POFUT3: variants seen among roughly 807,000 people sequenced by gnomAD.
POFUT3 encodes GDP-fucose protein O-fucosyltransferase 3.
chr8:33,325,478 C>T, the POFUT3 span, among the ~76,000 whole-genome samples: 1 of 152,174 alleles, frequency 6.6e-6, no homozygotes, highest in Non-Finnish European at 1.5e-5. Flanking sequence ...TAGCTATCAC[C>T]ACCATGATAC....
At chr8:33,389,641 G>C in the POFUT3 span, 4 of 1,614,116 alleles carry the variant, frequency 2.5e-6, no homozygotes, top group Non-Finnish European at 3.4e-6. Flanking sequence ...TTAGTGGCAA[G>C]TGGGAATGCC....
chr8:33,456,364 T>TA, the POFUT3 span, among the ~76,000 whole-genome samples: 1 of 152,120 alleles, frequency 6.6e-6, no homozygotes, highest in African/African-American at 2.4e-5. Flanking sequence ...ATTTTTTATT[T>TA]TTTTATTTTT....
At chr8:33,367,601 A>C in the POFUT3 span, among the ~76,000 whole-genome samples, 1 of 152,172 alleles carries the variant, frequency 6.6e-6, no homozygotes, top group Non-Finnish European at 1.5e-5. Flanking sequence ...GGGTCTCCCC[A>C]AACAAGCTGG....
the POFUT3 span, among the ~76,000 whole-genome samples, chr8:33,327,004 C>G: frequency 5.3e-5 from 8 of 152,286 alleles, no homozygotes; most frequent in South Asian, 1.5e-3. Flanking sequence ...TCTTGAATGC[C>G]TGGCCTTAAG....
At chr8:33,422,115 G>A in the POFUT3 span, among the ~76,000 whole-genome samples, 1 of 151,704 alleles carries the variant, frequency 6.6e-6, no homozygotes, top group East Asian at 1.9e-4. Flanking sequence ...TTCTTCCTCA[G>A]CATTATTTAC....
chr8:33,426,556 T>C, the POFUT3 span, among the ~76,000 whole-genome samples: 1 of 152,184 alleles, frequency 6.6e-6, no homozygotes, highest in Non-Finnish European at 1.5e-5. Context: ...CTGTAACTAA[T>C]CCAGTTTTTC....
the POFUT3 span, among the ~76,000 whole-genome samples, chr8:33,328,923 T>C: frequency 2.6e-5 from 4 of 152,214 alleles, no homozygotes; most frequent in African/African-American, 9.6e-5. Flanking sequence ...TAAAGACCCC[T>C]ATACACTTTT....
chr8:33,361,300 T>C, the POFUT3 span: 1 of 152,072 alleles, frequency 6.6e-6, no homozygotes, highest in Non-Finnish European at 1.5e-5. Context: ...AAATGCCTCC[T>C]CTCCCGGGGA....
the POFUT3 span, among the ~76,000 whole-genome samples, chr8:33,465,176 T>TTA: frequency 6.6e-6 from 1 of 152,206 alleles, no homozygotes; most frequent in African/African-American, 2.4e-5. Flanking sequence ...AAGCAATTTA[T>TTA]TATAGTTATC....
chr8:33,468,554 C>G, the POFUT3 span, among the ~76,000 whole-genome samples: 1 of 152,162 alleles, frequency 6.6e-6, no homozygotes, highest in African/African-American at 2.4e-5. Context: ...CTCCTAATGC[C>G]CCTTAAATGG....
chr8:33,380,017 A>G, the POFUT3 span, among the ~76,000 whole-genome samples: 20 of 50,474 alleles, frequency 4.0e-4, 3 homozygotes, highest in East Asian at 3.8e-3. Context: ...TATATATAGT[A>G]TATATATATA....
the POFUT3 span, chr8:33,388,825 A>AGG: frequency 1.4e-6 from 1 of 712,100 alleles, no homozygotes; most frequent in Non-Finnish European, 2.4e-6. Flanking sequence ...GGAATATTCA[A>AGG]CCTTCCTGCA....
the POFUT3 span, among the ~76,000 whole-genome samples, chr8:33,334,751 C>T: frequency 1.3e-5 from 2 of 152,218 alleles, no homozygotes; most frequent in Non-Finnish European, 2.9e-5. Context: ...CCTCTGTTTA[C>T]TTCGCTGCTT....
chr8:33,344,503 G>A, the POFUT3 span, among the ~76,000 whole-genome samples: 1 of 152,216 alleles, frequency 6.6e-6, no homozygotes, highest in African/African-American at 2.4e-5. Context: ...AGCCCCCTCT[G>A]AAAGCTCTCC....
the POFUT3 span, chr8:33,389,426 T>G: frequency 1.9e-6 from 3 of 1,614,204 alleles, no homozygotes; most frequent in East Asian, 2.2e-5. Flanking sequence ...AGGGAGGTCT[T>G]TGTTTCGTAA....
chr8:33,385,284 G>T, the POFUT3 span, among the ~76,000 whole-genome samples: 1 of 152,164 alleles, frequency 6.6e-6, no homozygotes, highest in Admixed American at 6.5e-5. Context: ...GCACAGGAAG[G>T]TTCCCACTGA....
At chr8:33,461,574 C>T in the POFUT3 span, 1 of 1,554,292 alleles carries the variant, frequency 6.4e-7, no homozygotes, top group Non-Finnish European at 8.6e-7. Context: ...CCTGCACTGC[C>T]ATTCCTGCTG....
the POFUT3 span, among the ~76,000 whole-genome samples, chr8:33,347,123 C>T: frequency 6.6e-6 from 1 of 152,094 alleles, no homozygotes; most frequent in Non-Finnish European, 1.5e-5. Context: ...TCACCATCCG[C>T]ACAAAAACAA....
At chr8:33,359,240 T>A in the POFUT3 span, among the ~76,000 whole-genome samples, 1 of 152,238 alleles carries the variant, frequency 6.6e-6, no homozygotes, top group Non-Finnish European at 1.5e-5. Context: ...TCTTACATCT[T>A]TTTTGTACTT....
Sources: gnomAD v4.1 joint callset for allele counts (sites outside exome capture counted in the v4.1 genomes callset) on GRCh38, gnomAD v4.1.1 for gene constraint, MANE v1.5 for transcripts, NCBI Gene and HGNC (gene_info 2026-07-23, HGNC 2026-07-21) for gene names.